HDAC9: variants seen among roughly 807,000 people sequenced by gnomAD.
The protein encoded by HDAC9 is histone deacetylase 9.
A neutral mutation model predicts 139.4 loss-of-function variants in HDAC9; 41 were observed. That is an observed-to-expected ratio of 0.29 (90% CI 0.23 to 0.38). HDAC9 has a LOEUF of 0.38. Among genes scored for constraint, HDAC9 ranks in the 10% least tolerant of loss-of-function variants. The pLI, the probability that HDAC9 is intolerant of heterozygous loss-of-function variation, is 1.00. For missense variants in HDAC9, 1,147 were observed against 1,297.0 expected (o/e 0.88, Z 1.78); for synonymous variants, 517 against 476.2 (o/e 1.09, Z -1.12).
At chr7:18,732,953 ATGTG>A (rs1199843021) in intron 13 of HDAC9, among the ~76,000 whole-genome samples, 2 of 93,196 alleles carry the variant, frequency 2.1e-5, no homozygotes, top group Non-Finnish European at 2.1e-5. Context: ...ACACACGTGT[ATGTG>A]TGTGTATGTG....
intron 12 of HDAC9, among the ~76,000 whole-genome samples, chr7:18,704,622 TA>T: frequency 6.6e-6 from 1 of 152,262 alleles, no homozygotes; most frequent in Non-Finnish European, 1.5e-5. Flanking sequence ...GGGACAAACA[TA>T]AGATTTGGAG....
At chr7:18,634,319 G>C (rs543762264) in intron 7 of HDAC9, among the ~76,000 whole-genome samples, 5 of 150,636 alleles carry the variant, frequency 3.3e-5, no homozygotes, top group African/African-American at 1.2e-4. Flanking sequence ...AGTAAGAAAA[G>C]ATTCCTTTCT....
chr7:18,932,868 G>GAAAGAAAGAAAGAAAT (rs1295709562), intron 22 of HDAC9, among the ~76,000 whole-genome samples: 1 of 151,668 alleles, frequency 6.6e-6, no homozygotes, highest in Admixed American at 6.6e-5. Context: ...AAGAAAGAAA[G>GAAAGAAAGAAAGAAAT]AAAGAAAGAA....
intron 1 of HDAC9, among the ~76,000 whole-genome samples, chr7:18,106,401 A>G (rs75384897): frequency 0.017 from 2,533 of 151,812 alleles, 84 homozygotes; most frequent in African/African-American, 0.058. Context: ...CTGCTAATCT[A>G]CAAACTCTTC....
chr7:18,492,752 G>A (rs942663388), upstream of HDAC9, among the ~76,000 whole-genome samples: 10 of 151,850 alleles, frequency 6.6e-5, no homozygotes, highest in East Asian at 1.9e-3. Context: ...AAGAAACTGA[G>A]TCACATTTCT....
Position 18,738,457 on chromosome 7 carries a change from A to G in HDAC9, c.1910-10548A>G, listed in dbSNP as rs372790441. On this transcript the variant is annotated intron_variant, in intron 13 of 25. Transcript: ENST00000686413. ...GGAGCTCTTGTAAGGCAGGCCTGGT[A>G]TTGACAACATTACTCAGCATTTGCT... Among the ~76,000 whole-genome samples the G allele has an allele frequency of 5.9e-5, 9 of 152,046 alleles. No homozygotes were observed. The South Asian group carries it at 1.0e-3, about 18-fold the overall frequency.
chr7:18,939,632 G>A (rs150214358), intron 23 of HDAC9, among the ~76,000 whole-genome samples: 161 of 152,020 alleles, frequency 1.1e-3, no homozygotes, highest in Non-Finnish European at 1.8e-3. Context: ...TATATAAGGC[G>A]TATTACATGT....
At chr7:18,301,994 A>T (rs796407157) in intron 1 of HDAC9, among the ~76,000 whole-genome samples, 7 of 152,344 alleles carry the variant, frequency 4.6e-5, no homozygotes, top group African/African-American at 1.7e-4. Flanking sequence ...TTAAATGTTC[A>T]ATGACTCTAC....
chr7:18,534,967 C>T (rs1354661703), intron 2 of HDAC9, among the ~76,000 whole-genome samples: 3 of 152,148 alleles, frequency 2.0e-5, no homozygotes, highest in Non-Finnish European at 4.4e-5. Context: ...TTTGACCTTG[C>T]GCTTGACCAC....
At chr7:18,770,890 T>C (rs532073418) in intron 16 of HDAC9, among the ~76,000 whole-genome samples, 3 of 152,152 alleles carry the variant, frequency 2.0e-5, no homozygotes, top group Non-Finnish European at 4.4e-5. Context: ...AATATGATGT[T>C]TGCAAACAGG....
intron 1 of HDAC9, among the ~76,000 whole-genome samples, chr7:18,130,421 C>T (rs1315365819): frequency 2.6e-5 from 4 of 152,046 alleles, no homozygotes; most frequent in African/African-American, 7.2e-5. Context: ...ATGTTTTATT[C>T]CCTTACTAAA....
intron 22 of HDAC9, among the ~76,000 whole-genome samples, chr7:18,884,695 T>C (rs1799994526): frequency 6.6e-6 from 1 of 152,212 alleles, no homozygotes; most frequent in African/African-American, 2.4e-5. Context: ...GTGTTAAAGT[T>C]ACCTTAGGCT....
At chr7:18,185,495 G>A (rs958388762) in intron 2 of HDAC9, among the ~76,000 whole-genome samples, 1 of 152,100 alleles carries the variant, frequency 6.6e-6, no homozygotes, top group African/African-American at 2.4e-5. Flanking sequence ...TCTAAAAGAG[G>A]AAATATTGTC....
intron 2 of HDAC9, chr7:18,502,312 T>C (rs191259110): frequency 1.1e-4 from 17 of 152,290 alleles, no homozygotes; most frequent in Admixed American, 1.1e-3. Context: ...CTATATTGAC[T>C]AGAATAGCAT....
intron 1 of HDAC9, among the ~76,000 whole-genome samples, chr7:18,462,634 T>C (rs1301191139): frequency 1.3e-5 from 2 of 152,084 alleles, no homozygotes; most frequent in Non-Finnish European, 2.9e-5. Context: ...TGATATTGTA[T>C]ATATTCTTTT....
At chr7:18,591,736 C>G in intron 5 of HDAC9, 94 bp downstream of exon 5, 1 of 1,493,344 alleles carries the variant, frequency 6.7e-7, no homozygotes, top group Non-Finnish European at 9.1e-7. Flanking sequence ...CCTGCCATTT[C>G]TCAGCTGTCT....
intron 1 of HDAC9, among the ~76,000 whole-genome samples, chr7:18,102,282 C>T (rs1402991304): frequency 6.6e-6 from 1 of 152,076 alleles, no homozygotes; most frequent in Non-Finnish European, 1.5e-5. Flanking sequence ...AGGAATATGT[C>T]AATGATTTTT....
intron 14 of HDAC9, among the ~76,000 whole-genome samples, chr7:18,757,633 C>T (rs1788997645): frequency 6.6e-6 from 1 of 152,112 alleles, no homozygotes; most frequent in South Asian, 2.1e-4. Flanking sequence ...GATTAGGACA[C>T]TGGCCTCAAT....
At chr7:18,099,726 T>C (rs1782726672) in intron 1 of HDAC9, among the ~76,000 whole-genome samples, 1 of 152,218 alleles carries the variant, frequency 6.6e-6, no homozygotes, top group Non-Finnish European at 1.5e-5. Flanking sequence ...GAATAGCAGA[T>C]CTGAAATATT....
Sources: gnomAD v4.1 joint callset for allele counts (sites outside exome capture counted in the v4.1 genomes callset) on GRCh38, gnomAD v4.1.1 for gene constraint, MANE v1.5 for transcripts, NCBI Gene and HGNC (gene_info 2026-07-23, HGNC 2026-07-21) for gene names.